CDH4: variants seen among roughly 807,000 people sequenced by gnomAD.
CDH4 encodes cadherin 4.
A neutral mutation model predicts 86.0 loss-of-function variants in CDH4; 33 were observed. The observed-to-expected ratio is 0.38, with a 90% CI of 0.29 to 0.51. The LOEUF (loss-of-function observed/expected upper bound fraction) is 0.51. Among genes scored for constraint, CDH4 ranks in the 20% least tolerant of loss-of-function variants. The pLI is 0.86. For missense variants in CDH4, 1,114 were observed against 1,307.4 expected, an observed-to-expected ratio of 0.85 and a Z score of 2.28; for synonymous variants, 555 against 549.4, an observed-to-expected ratio of 1.01 and a Z score of -0.14.
intron 2 of CDH4, among the ~76,000 whole-genome samples, chr20:61,595,247 G>A (rs2086548037): frequency 6.6e-6 from 1 of 152,246 alleles, no homozygotes; most frequent in Non-Finnish European, 1.5e-5. Context: ...CATGTGTGAG[G>A]AGCCAAGCCC....
chr20:61,392,902 A>G lies in CDH4; in HGVS notation c.169+137965A>G, dbSNP rs1220997189. ...CTAAGTAAAGCCAGTGGATTGACATAAAGTCTCCCGATCAGGGAAGGAGGT... is the reference window on the plus strand; with the variant it reads ...CTAAGTAAAGCCAGTGGATTGACATGAAGTCTCCCGATCAGGGAAGGAGGT... On this transcript the variant is annotated intron_variant, in intron 2 of 15. Coordinates refer to ENST00000614565, the MANE Select transcript of CDH4 (RefSeq NM_001794.5). The surrounding 1 kb of genome is among the most constrained non-coding windows in gnomAD (Gnocchi z 5.7). Among the ~76,000 whole-genome samples the G allele has an allele frequency of 8.0e-6, 1 of 124,852 alleles. No homozygotes were observed. The highest frequency in any genetic ancestry group is 3.2e-5 in the African/African-American group (1 of 30,792). 81.9% of individuals were successfully genotyped at this position (124,852 alleles called of 152,430 possible).
intron 2 of CDH4, among the ~76,000 whole-genome samples, chr20:61,415,928 G>A (rs1218948660): frequency 1.3e-5 from 2 of 151,682 alleles, no homozygotes; most frequent in African/African-American, 4.8e-5. Flanking sequence ...TCAAACTTCT[G>A]GCCTCAAATG....
intron 2 of CDH4, among the ~76,000 whole-genome samples, chr20:61,322,309 C>G (rs781243735): frequency 3.9e-5 from 6 of 152,204 alleles, no homozygotes; most frequent in African/African-American, 1.4e-4. Context: ...GAGGCTTCGC[C>G]TGGCTCTGTG....
intron 2 of CDH4, among the ~76,000 whole-genome samples, chr20:61,723,977 CAG>C (rs1424547748): frequency 3.4e-5 from 4 of 115,948 alleles, no homozygotes; most frequent in African/African-American, 1.4e-4. Context: ...CTCCATGTGG[CAG>C]GGGGGTAGGT....
chr20:61,390,627 C>T (rs1367445310), intron 2 of CDH4, among the ~76,000 whole-genome samples: 1 of 150,656 alleles, frequency 6.6e-6, no homozygotes, highest in Non-Finnish European at 1.5e-5. Context: ...CAATTGAGAT[C>T]GTACGGTCAT....
intron 5 of CDH4, among the ~76,000 whole-genome samples, chr20:61,848,163 G>C (rs1043638805): frequency 2.6e-5 from 4 of 152,238 alleles, no homozygotes; most frequent in Non-Finnish European, 4.4e-5. Flanking sequence ...CCAGGGACCT[G>C]GGTCCCACAC....
At chr20:61,581,894 G>A (rs1010716035) in intron 2 of CDH4, among the ~76,000 whole-genome samples, 7 of 152,134 alleles carry the variant, frequency 4.6e-5, no homozygotes, top group African/African-American at 9.7e-5. Context: ...CTGAGCTCCC[G>A]CCGTCTCCCC....
intron 4 of CDH4, among the ~76,000 whole-genome samples, chr20:61,781,854 C>T (rs1365939624): frequency 1.3e-5 from 2 of 152,174 alleles, no homozygotes; most frequent in Non-Finnish European, 2.9e-5. Context: ...GAAAACATCT[C>T]TAAAGTAGAG....
At chr20:61,489,555 C>A (rs1277913485) in intron 2 of CDH4, among the ~76,000 whole-genome samples, 3 of 152,108 alleles carry the variant, frequency 2.0e-5, no homozygotes, top group African/African-American at 7.3e-5. Context: ...CTTGTCACTC[C>A]TCCTTCCCCA....
In CDH4 at chr20:61,709,248, A is replaced by G. The variant is rs1345303363; in HGVS notation, c.170-34315A>G. Among the ~76,000 whole-genome samples the G allele has an allele frequency of 6.6e-6, 1 of 152,194 alleles. No homozygotes were observed. Among genetic ancestry groups the G allele is most frequent in the East Asian group, 1.9e-4 (1 of 5,184 alleles). ...GGTTTTGCTGTCCACAAATTTAATC[A>G]AGACAGCTGTCAGCAAAAGTCAGAC... is the stretch of plus-strand genomic sequence containing the variant. On this transcript the variant is annotated intron_variant, in intron 2 of 15. Coordinates refer to ENST00000614565, the MANE Select transcript of CDH4 (RefSeq NM_001794.5). This position sits in a 1 kb window ranked among gnomAD's most constrained non-coding sequence, Gnocchi z 4.8.
At chr20:61,872,024 G>T (rs1281669163) in intron 6 of CDH4, among the ~76,000 whole-genome samples, 1 of 152,206 alleles carries the variant, frequency 6.6e-6, no homozygotes, top group Non-Finnish European at 1.5e-5. Flanking sequence ...TGCAGAGGGA[G>T]GGCGAGGTGG....
chr20:61,301,402 G>A (rs1367827841), intron 2 of CDH4, among the ~76,000 whole-genome samples: 2 of 152,222 alleles, frequency 1.3e-5, no homozygotes, highest in East Asian at 1.9e-4. Context: ...TTATTTAAAT[G>A]GGCAGCTGCT....
intron 7 of CDH4, 22 bp downstream of exon 7, chr20:61,873,922 G>T (rs781111435): frequency 2.5e-6 from 4 of 1,609,236 alleles, no homozygotes; most frequent in Middle Eastern, 3.3e-4. Context: ...TGGGGTCTGC[G>T]TGCAGGCGGG....
At chr20:61,772,883 A>C (rs1241104549) in intron 3 of CDH4, 120 bp from the exon 4 acceptor site, 1 of 772,686 alleles carries the variant, frequency 1.3e-6, no homozygotes, top group Non-Finnish European at 1.9e-6. Flanking sequence ...TCCTTGTCCC[A>C]GCGTTACCCG....
intron 2 of CDH4, among the ~76,000 whole-genome samples, chr20:61,386,589 G>A (rs1047531646): frequency 6.6e-6 from 1 of 152,220 alleles, no homozygotes; most frequent in Admixed American, 6.5e-5. Context: ...TGAGGTTAGA[G>A]AGGCTGGGTT....
At chr20:61,818,282 G>A (rs1444071690) in intron 4 of CDH4, among the ~76,000 whole-genome samples, 2 of 152,182 alleles carry the variant, frequency 1.3e-5, no homozygotes, top group Non-Finnish European at 2.9e-5. Context: ...CTGGGGTGTG[G>A]GGGAGGCCCT....
intron 8 of CDH4, among the ~76,000 whole-genome samples, chr20:61,905,536 C>A (rs958358833): frequency 6.6e-6 from 1 of 152,222 alleles, no homozygotes; most frequent in East Asian, 1.9e-4. Flanking sequence ...GCTTCAGGCA[C>A]GGCCGCTCCA....
In CDH4 at chr20:61,669,670, G is replaced by A. The variant is rs190003560; in HGVS notation, c.170-73893G>A. ...TCCTGAAAGTCAAATCTACCACTGA[G>A]CCAGAGTGATCTTTTTCTTTAAATG... On this transcript the variant is annotated intron_variant, in intron 2 of 15. Transcript: ENST00000614565. Among the ~76,000 whole-genome samples the A allele has an allele frequency of 2.5e-3, 382 of 152,284 alleles. 1 individual carries two copies. The highest frequency in any genetic ancestry group is 4.6e-3 in the Non-Finnish European group (311 of 68,018).
At chr20:61,567,243 T>C (rs2086305404) in intron 2 of CDH4, among the ~76,000 whole-genome samples, 1 of 152,220 alleles carries the variant, frequency 6.6e-6, no homozygotes, top group South Asian at 2.1e-4. Flanking sequence ...TAAGCTCTTC[T>C]AGCTGGGGAC....
Sources: gnomAD v4.1 joint callset for allele counts (sites outside exome capture counted in the v4.1 genomes callset) on GRCh38, gnomAD v4.1.1 for gene constraint, Gnocchi (gnomAD v3.1) non-coding constraint, MANE v1.5 for transcripts, NCBI Gene and HGNC (gene_info 2026-07-23, HGNC 2026-07-21) for gene names.